IQCH: variants seen among roughly 807,000 people sequenced by gnomAD.
IQCH encodes IQ domain-containing protein H.
IQCH carries 98 observed loss-of-function variants against 117.0 expected under a neutral mutation model. That is an observed-to-expected ratio of 0.84 (90% CI 0.71 to 0.99). The LOEUF is 0.99. IQCH is among the 50% of genes least tolerant of loss of function. The probability of loss-of-function intolerance (pLI) is 0.00; values close to 1 mark genes in which losing one functional copy is unlikely to be tolerated. For synonymous variants in IQCH, 412 were observed against 448.2 expected (o/e 0.92, Z 1.02); for missense variants, 1,102 against 1,243.8 (o/e 0.89, Z 1.72).
intron 4 of IQCH, chr15:67,307,184 G>T (rs371542153): frequency 2.4e-5 from 23 of 941,128 alleles, no homozygotes; most frequent in Middle Eastern, 5.0e-4. Context: ...CAGTTCTTTG[G>T]TTCTACTTTC....
In IQCH at chr15:67,426,151, T is replaced by C. The variant is rs1011571446; in HGVS notation, c.2505+4574T>C. On this transcript the variant is annotated intron_variant, in intron 16 of 20. Coordinates refer to ENST00000335894, the MANE Select transcript of IQCH (RefSeq NM_001031715.3). The surrounding 1 kb of genome is among the most constrained non-coding windows in gnomAD (Gnocchi z 5.1). Reference sequence around the variant, plus strand: ...CCTGTAAGATCTGGGCTCTTAGTGCTGCCATTGCTACTGGAGTGTCACCCC... The same window carrying C: ...CCTGTAAGATCTGGGCTCTTAGTGCCGCCATTGCTACTGGAGTGTCACCCC... Among the ~76,000 whole-genome samples, 4 of 152,226 alleles carry C rather than the reference T, an allele frequency of 2.6e-5. No individual in the cohort carries two copies. Among genetic ancestry groups the C allele is most frequent in the Admixed American group, 6.5e-5 (1 of 15,286 alleles).
rs1163349679 is a variant in IQCH at position 67,370,715 on chromosome 15, A to T, written c.754-1396A>T. ...GCTTGGAAGGAAGATTTTTTCCCTCATTTTTATGCCTTATAACAACTCAAG... is the reference window on the plus strand; with the variant it reads ...GCTTGGAAGGAAGATTTTTTCCCTCTTTTTTATGCCTTATAACAACTCAAG... On this transcript the variant is annotated intron_variant, in intron 8 of 20. Coordinates refer to ENST00000335894, the MANE Select transcript of IQCH (RefSeq NM_001031715.3). This position sits in a 1 kb window ranked among gnomAD's most constrained non-coding sequence, Gnocchi z 5.6. Among the ~76,000 whole-genome samples the T allele has an allele frequency of 2.0e-5, 3 of 152,190 alleles. No individual in the cohort carries two copies. Among genetic ancestry groups the T allele is most frequent in the Non-Finnish European group, 4.4e-5 (3 of 68,032 alleles).
intron 16 of IQCH, among the ~76,000 whole-genome samples, chr15:67,434,483 T>C (rs2082087162): frequency 6.6e-6 from 1 of 152,212 alleles, no homozygotes; most frequent in South Asian, 2.1e-4. Context: ...CACACCACAA[T>C]TTCTTCATCC....
chr15:67,256,491 T>C (rs1567041172), intron 1 of IQCH, among the ~76,000 whole-genome samples: 2 of 152,184 alleles, frequency 1.3e-5, no homozygotes, highest in Non-Finnish European at 2.9e-5. Context: ...ATAAATCATG[T>C]TGATAGACTG....
chr15:67,400,754 C>T (rs1971628604), intron 14 of IQCH, among the ~76,000 whole-genome samples: 1 of 151,920 alleles, frequency 6.6e-6, no homozygotes, highest in African/African-American at 2.4e-5. Context: ...CCATCTTAGC[C>T]TCCCAAAGTG....
chr15:67,340,176 C>T (rs1246203642), intron 5 of IQCH, among the ~76,000 whole-genome samples: 1 of 151,944 alleles, frequency 6.6e-6, no homozygotes, highest in Non-Finnish European at 1.5e-5. Flanking sequence ...ACCTGTAATC[C>T]CAGCACTTTG....
At chr15:67,354,717 A>G (rs1263198525) in intron 6 of IQCH, among the ~76,000 whole-genome samples, 1 of 152,216 alleles carries the variant, frequency 6.6e-6, no homozygotes, top group Non-Finnish European at 1.5e-5. Flanking sequence ...CCAGTGGCCT[A>G]AACAATGAAG....
At chr15:67,333,053 G>A (rs1968734517) in intron 4 of IQCH, among the ~76,000 whole-genome samples, 1 of 152,156 alleles carries the variant, frequency 6.6e-6, no homozygotes, top group African/African-American at 2.4e-5. Flanking sequence ...CCTTTTCTCT[G>A]TGTCCTCACA....
Position 67,356,223 on chromosome 15 carries a change from C to G in IQCH, c.638-1122C>G, listed in dbSNP as rs1158331458. Among the ~76,000 whole-genome samples, 2 of 152,134 alleles carry G rather than the reference C, an allele frequency of 1.3e-5. No individual in the cohort carries two copies. ...CATAGAACTGAAGGCAAAAACTATA[C>G]CCTTAAAATGGGGTCTTCATACACT... On this transcript the variant is annotated intron_variant, in intron 6 of 20. Transcript: ENST00000335894. This position sits in a 1 kb window ranked among gnomAD's most constrained non-coding sequence, Gnocchi z 5.3.
intron 18 of IQCH, among the ~76,000 whole-genome samples, chr15:67,489,275 C>T (rs1359244609): frequency 5.3e-5 from 8 of 151,784 alleles, no homozygotes; most frequent in Non-Finnish European, 8.8e-5. Context: ...CCTCGTGATC[C>T]GCCTGCCTCG....
rs1292474102 is a variant in IQCH, at chr15:67,404,188, G to A, written c.2097+3883G>A. The A allele has an allele frequency of 6.6e-6, 1 of 152,156 alleles. No individual in the cohort carries two copies. Among genetic ancestry groups the A allele is most frequent in the African/African-American group, 2.4e-5 (1 of 41,430 alleles). The allele number at this position is 152,156 out of a possible 1,614,324, so 9.4% of individuals were successfully genotyped here. A position where few individuals can be genotyped will look rare whatever the true frequency, so the allele number is the denominator to read the frequency against. ...CTAATTAGACATTTGATATTAATTT[G>A]GGGATCACAAAGGTAGGAGAAGAAC... On this transcript the variant is annotated intron_variant, in intron 14 of 20. Transcript: ENST00000335894. The surrounding 1 kb of genome is among the most constrained non-coding windows in gnomAD (Gnocchi z 4.6).
At position 67,369,996 on chromosome 15, in the gene IQCH, A is replaced by C. The variant is rs1412624827; in HGVS notation, c.754-2115A>C. On this transcript the variant is annotated intron_variant, in intron 8 of 20. Coordinates refer to ENST00000335894, the MANE Select transcript of IQCH (RefSeq NM_001031715.3). This position sits in a 1 kb window ranked among gnomAD's most constrained non-coding sequence, Gnocchi z 5.2. The stretch of plus-strand genomic sequence containing the variant: ...GGTCTTTGCTGGAATATCATCCAAG[A>C]AGGTAGAAAGGTGTAATCCCTTTGT... Among the ~76,000 whole-genome samples the C allele has an allele frequency of 6.6e-6, 1 of 152,148 alleles. No individual in the cohort carries two copies.
rs1312022916 is a variant in IQCH at position 67,403,080 on chromosome 15, T to C, written c.2097+2775T>C. On this transcript the variant is annotated intron_variant, in intron 14 of 20. Coordinates refer to ENST00000335894, the MANE Select transcript of IQCH (RefSeq NM_001031715.3). The surrounding 1 kb of genome is among the most constrained non-coding windows in gnomAD (Gnocchi z 4.8). ...CTGGCCAACATAGTGAAACCTCGTC[T>C]CTACTAAAAATACAAAAAAATTAGT... 1.3e-5 allele frequency among the ~76,000 whole-genome samples: 2 copies of C among 152,084 alleles called. No individual in the cohort carries two copies. Among genetic ancestry groups the C allele is most frequent in the East Asian group, 3.9e-4 (2 of 5,182 alleles).
chr15:67,488,400 A>C (rs1014176278), intron 18 of IQCH, among the ~76,000 whole-genome samples: 1 of 152,242 alleles, frequency 6.6e-6, no homozygotes, highest in African/African-American at 2.4e-5. Context: ...AGACATCTTT[A>C]TAGATCAGGA....
At chr15:67,378,965 T>G (rs951084917) in intron 10 of IQCH, among the ~76,000 whole-genome samples, 4 of 152,202 alleles carry the variant, frequency 2.6e-5, no homozygotes, top group African/African-American at 9.6e-5. Flanking sequence ...TATTTGAAAT[T>G]AAAACAGTAA....
intron 18 of IQCH, among the ~76,000 whole-genome samples, chr15:67,484,488 T>C (rs2083420034): frequency 6.7e-6 from 1 of 150,046 alleles, no homozygotes; most frequent in Non-Finnish European, 1.5e-5. Flanking sequence ...CCCAGCACTT[T>C]GGGAGGCCAA....
intron 4 of IQCH, among the ~76,000 whole-genome samples, chr15:67,283,495 A>G (rs757627894): frequency 1.4e-4 from 22 of 152,188 alleles, no homozygotes; most frequent in Non-Finnish European, 2.2e-4. Context: ...CAAATGGGAT[A>G]AAAATGTAAC....
chr15:67,332,861 A>T (rs531451466), intron 4 of IQCH, among the ~76,000 whole-genome samples: 7 of 152,338 alleles, frequency 4.6e-5, no homozygotes, highest in Admixed American at 3.3e-4. Context: ...AGGGCAGGCC[A>T]CCTGTTTTTG....
chr15:67,469,718 G>A (rs4776361), intron 17 of IQCH, among the ~76,000 whole-genome samples: 38,577 of 152,152 alleles, frequency 0.25, 5,464 homozygotes, highest in East Asian at 0.5. Flanking sequence ...ACTCCACCCC[G>A]AGTACTTTAC....
Sources: allele counts gnomAD v4.1 joint callset (sites outside exome capture counted in the v4.1 genomes callset), GRCh38; gene constraint gnomAD v4.1.1; non-coding constraint Gnocchi (gnomAD v3.1); transcripts MANE v1.5; gene names NCBI Gene and HGNC (gene_info 2026-07-23, HGNC 2026-07-21).